Variants in FBXO31 observed in about 807,000 individuals in gnomAD.
FBXO31 encodes F-box protein 31, also known as F-box only protein 31.
In FBXO31, 24 loss-of-function variants were observed where a neutral mutation model predicts 54.4. The observed-to-expected ratio is 0.44, with a 90% CI of 0.32 to 0.62. The LOEUF (loss-of-function observed/expected upper bound fraction) is 0.62, where lower values mean the gene tolerates loss of function less well. Among genes scored for constraint, FBXO31 ranks in the 20% least tolerant of loss-of-function variants. The pLI, the probability that FBXO31 is intolerant of heterozygous loss-of-function variation, is 0.05. For missense variants in FBXO31, 665 were observed against 787.1 expected (o/e 0.84, Z 1.86); for synonymous variants, 388 against 335.6 (o/e 1.16, Z -1.71).
chr16:87,372,469 T>C (rs879821589), intron 1 of FBXO31, among the ~76,000 whole-genome samples: 2 of 152,210 alleles, frequency 1.3e-5, no homozygotes, highest in African/African-American at 2.4e-5. Flanking sequence ...TGCTACTGCC[T>C]GGACAGTGCG....
chr16:87,349,456 C>G (rs1173459864), intron 2 of FBXO31, among the ~76,000 whole-genome samples: 1 of 152,174 alleles, frequency 6.6e-6, no homozygotes, highest in African/African-American at 2.4e-5. Flanking sequence ...GTGGCTCACG[C>G]CTGTAATCCC....
At chr16:87,376,935 T>C (rs1384648803) in intron 1 of FBXO31, among the ~76,000 whole-genome samples, 1 of 152,206 alleles carries the variant, frequency 6.6e-6, no homozygotes, top group Non-Finnish European at 1.5e-5. Context: ...ACTATTCCTA[T>C]CTGTATTTCC....
At chr16:87,347,816 A>C (rs1406224029) in intron 2 of FBXO31, among the ~76,000 whole-genome samples, 1 of 152,178 alleles carries the variant, frequency 6.6e-6, no homozygotes, top group African/African-American at 2.4e-5. Flanking sequence ...CTCTTCTAGG[A>C]ATAAGACAGA....
chr16:87,341,579 C>T lies in FBXO31; in HGVS notation c.732+1298G>A, dbSNP rs537411799. Among the ~76,000 whole-genome samples the T allele has an allele frequency of 6.3e-5, 9 of 142,892 alleles. No homozygotes were observed. The South Asian group carries it at 9.1e-4, about 14-fold the overall frequency. The allele number at this position is 142,892 out of a possible 152,430, so 93.7% of individuals were successfully genotyped here. A position where few individuals can be genotyped will look rare whatever the true frequency, so the allele number is the denominator to read the frequency against. ...GCTGAGGCAGTAGAACTGCCTGAAC[C>T]GGGAAGGCGGAAGTTGCAGTGAGCC... is the stretch of plus-strand genomic sequence containing the variant. On this transcript the variant is annotated intron_variant, in intron 5 of 8. Coordinates refer to ENST00000311635, the MANE Select transcript of FBXO31 (RefSeq NM_024735.5).
intron 1 of FBXO31, among the ~76,000 whole-genome samples, chr16:87,372,109 A>C (rs148005637): frequency 6.6e-6 from 1 of 152,074 alleles, no homozygotes; most frequent in African/African-American, 2.4e-5. Context: ...ATGTAGTCCT[A>C]GCTACTGGGG....
Position 87,383,603 on chromosome 16 carries a change from C to A in FBXO31, c.142G>T (p.Ala48Ser), listed in dbSNP as rs746081878. 2 of 1,470,344 alleles carry A rather than the reference C, an allele frequency of 1.4e-6. No homozygotes were observed. The highest frequency in any genetic ancestry group is 1.3e-5 in the South Asian group (1 of 75,464). 91.1% of individuals were successfully genotyped at this position (1,470,344 alleles called of 1,614,324 possible). A position where few individuals can be genotyped will look rare whatever the true frequency, so the allele number is the denominator to read the frequency against. The change falls in exon 1 of 9, where the codon GCC becomes TCC. Residue 48 changes from alanine to serine, a missense_variant. By Grantham distance (99) the Ala-to-Ser change is moderately conservative. Transcript: ENST00000311635. The surrounding 1 kb of genome is among the most constrained non-coding windows in gnomAD (Gnocchi z 4.9). The part of the protein sequence containing the change: ...DPEEERIEAS[A>S]GVGGGLCAGP... ...GCGCACAAGCCGCCCCCGACCCCGG[C>A]GCTAGCCTCGATGCGCTCCTCCTCG... is the stretch of plus-strand genomic sequence containing the variant.
intron 2 of FBXO31, among the ~76,000 whole-genome samples, chr16:87,355,799 T>A (rs1044603494): frequency 2.7e-4 from 41 of 152,148 alleles, no homozygotes; most frequent in African/African-American, 9.2e-4. Flanking sequence ...GAAGCTTCCC[T>A]CCACCTGCCT....
chr16:87,347,031 G>T lies in FBXO31; in HGVS notation c.489+143C>A, dbSNP rs1002639835. ...AAAATAAAATTGGCTCCTGAAAAGT[G>T]ACAGAGCAAGAATTTTTTGGTAATT... On this transcript the variant is annotated intron_variant, in intron 3 of 8. Coordinates refer to ENST00000311635, the MANE Select transcript of FBXO31 (RefSeq NM_024735.5). 4.0e-6 allele frequency: 3 copies of T among 757,500 alleles called. No individual in the cohort carries two copies. The African/African-American group carries it at 5.2e-5, about 13-fold the overall frequency. The allele number at this position is 757,500 out of a possible 1,614,324, so 46.9% of individuals were successfully genotyped here.
upstream of FBXO31, chr16:87,386,128 C>T (rs1305757658): frequency 2.5e-5 from 3 of 122,120 alleles, no homozygotes; most frequent in African/African-American, 1.2e-4. Context: ...AGGAGCATCA[C>T]TTGCCGGAGA....
chr16:87,385,315 A>G (rs1424299482), upstream of FBXO31, among the ~76,000 whole-genome samples: 1 of 152,104 alleles, frequency 6.6e-6, no homozygotes, highest in Non-Finnish European at 1.5e-5. Flanking sequence ...AAAATTAGCC[A>G]GGTGTGGTGG....
intron 2 of FBXO31, among the ~76,000 whole-genome samples, chr16:87,348,938 C>T (rs916245680): frequency 5.9e-5 from 9 of 152,222 alleles, no homozygotes; most frequent in South Asian, 2.1e-4. Context: ...ATCGCTCACT[C>T]GGTAGGAGGA....
In FBXO31 at chr16:87,383,731, G is replaced by A. The variant is rs1424559850; in HGVS notation, c.14C>T (p.Ala5Val). The A allele has an allele frequency of 2.4e-6, 3 of 1,228,670 alleles. No homozygotes were observed. The highest frequency in any genetic ancestry group is 2.0e-6 in the Non-Finnish European group (2 of 989,208). 76.1% of individuals were successfully genotyped at this position (1,228,670 alleles called of 1,614,324 possible). A position where few individuals can be genotyped will look rare whatever the true frequency, so the allele number is the denominator to read the frequency against. The change falls in exon 1 of 9, where the codon GCT becomes GTT. Residue 5 changes from alanine (A) to valine (V), a missense_variant. By Grantham distance (64) the Ala-to-Val change is moderately conservative (BLOSUM62 0). Around this residue, in one of 4 missense-constraint regions of FBXO31, gnomAD observed 195 missense variants for 174.8 expected, o/e 1.12. Transcript: ENST00000311635. The surrounding 1 kb of genome is among the most constrained non-coding windows in gnomAD (Gnocchi z 4.9). ...CGACGGGCCCACGCCGCAAAGGCGA[G>A]CACACACCGCCATGCCGCCCAGTGA... is the stretch of plus-strand genomic sequence containing the variant. MAVC[A>V]RLCGVGPSRG...
chr16:87,361,969 T>A (rs555383284), intron 1 of FBXO31, among the ~76,000 whole-genome samples: 55 of 152,280 alleles, frequency 3.6e-4, no homozygotes, highest in African/African-American at 1.3e-3. Flanking sequence ...GGAAACTACA[T>A]CCTAAATCCA....
Position 87,343,719 on chromosome 16 carries a change from T to G in FBXO31, c.536A>C (p.Asp179Ala). The G allele has an allele frequency of 6.2e-7, 1 of 1,613,878 alleles. No individual in the cohort carries two copies. The highest frequency in any genetic ancestry group is 2.2e-5 in the East Asian group (1 of 44,852). The change falls in exon 4 of 9, where the codon GAC (aspartate) becomes GCC (alanine). Residue 179 changes from aspartate (D) to alanine (A), a missense_variant. By Grantham distance (126) the Asp-to-Ala change is moderately radical. This residue lies in a region of FBXO31 where 234 missense variants were observed against 346.8 expected (regional missense o/e 0.67). Coordinates refer to ENST00000311635, the MANE Select transcript of FBXO31 (RefSeq NM_024735.5). ...TCTCATAGGGTCATCGACGTGGGGGTCATGGGGAGGCAGGTACATCCACCC... is the reference window on the plus strand; with the variant it reads ...TCTCATAGGGTCATCGACGTGGGGGGCATGGGGAGGCAGGTACATCCACCC... ...IIGWMYLPPH[D>A]PHVDDPMRFK...
intron 1 of FBXO31, among the ~76,000 whole-genome samples, chr16:87,363,975 G>T (rs549762423): frequency 1.4e-4 from 21 of 152,342 alleles, no homozygotes; most frequent in Non-Finnish European, 2.8e-4. Flanking sequence ...AATGGGAGGG[G>T]GAAGGGGAAA....
In FBXO31 at chr16:87,346,827, C is replaced by T. The variant is rs574574741; in HGVS notation, c.489+347G>A. ...TGCACCATGGCTGGAACATGGGGGG[C>T]AAAGACCAGGAACGGAAGGACCTGG... On this transcript the variant is annotated intron_variant, in intron 3 of 8. Coordinates refer to ENST00000311635, the MANE Select transcript of FBXO31 (RefSeq NM_024735.5). This position sits in a 1 kb window ranked among gnomAD's most constrained non-coding sequence, Gnocchi z 4.2. 3.5e-4 allele frequency among the ~76,000 whole-genome samples: 53 copies of T among 152,218 alleles called. No individual in the cohort carries two copies. Among genetic ancestry groups the T allele is most frequent in the Non-Finnish European group, 7.2e-4 (49 of 68,012 alleles).
At chr16:87,370,980 A>G (rs1906578347) in intron 1 of FBXO31, among the ~76,000 whole-genome samples, 1 of 152,294 alleles carries the variant, frequency 6.6e-6, no homozygotes, top group Admixed American at 6.5e-5. Context: ...CTCCAAGAAC[A>G]GCGCCCCAAC....
upstream of FBXO31, chr16:87,384,004 G>C (rs1351207160): frequency 4.6e-6 from 1 of 218,718 alleles, no homozygotes; most frequent in African/African-American, 2.3e-5. Flanking sequence ...TGGTGATGCC[G>C]AGTGCAAAAC....
chr16:87,332,547 A>C (rs142892094), intron 8 of FBXO31, among the ~76,000 whole-genome samples: 1 of 152,154 alleles, frequency 6.6e-6, no homozygotes, highest in Non-Finnish European at 1.5e-5. Context: ...ACACTCCAAC[A>C]CTATTTGTAT....
Sources: allele counts gnomAD v4.1 joint callset (sites outside exome capture counted in the v4.1 genomes callset), GRCh38; gene constraint gnomAD v4.1.1; regional missense constraint gnomAD v4.1.1; non-coding constraint Gnocchi (gnomAD v3.1); transcripts MANE v1.5; gene names NCBI Gene and HGNC (gene_info 2026-07-23, HGNC 2026-07-21).